MEIKIN: variants seen among roughly 807,000 people sequenced by gnomAD.
MEIKIN encodes meiosis-specific kinetochore protein.
chr5:131,887,046 T>C (rs373557246), intron 8 of MEIKIN, among the ~76,000 whole-genome samples: 35 of 149,718 alleles, frequency 2.3e-4, no homozygotes, highest in African/African-American at 8.6e-4. Context: ...GTGTTCTCAT[T>C]GTTCAATTCC....
intron 6 of MEIKIN, among the ~76,000 whole-genome samples, chr5:131,920,345 A>G (rs1254174305): frequency 6.6e-6 from 1 of 152,210 alleles, no homozygotes; most frequent in Non-Finnish European, 1.5e-5. Context: ...GAAAGAACAG[A>G]ATAAAAAATC....
intron 8 of MEIKIN, among the ~76,000 whole-genome samples, chr5:131,909,266 C>A (rs751038278): frequency 6.6e-6 from 1 of 151,898 alleles, no homozygotes; most frequent in Non-Finnish European, 1.5e-5. Context: ...TAAATCTATA[C>A]ATCTACACCG....
intron 12 of MEIKIN, among the ~76,000 whole-genome samples, chr5:131,816,254 T>G (rs1177245540): frequency 2.0e-5 from 3 of 152,266 alleles, no homozygotes; most frequent in Non-Finnish European, 2.9e-5. Context: ...TGGTTAGTTG[T>G]GTGTGACAAC....
intron 8 of MEIKIN, among the ~76,000 whole-genome samples, chr5:131,888,718 G>A (rs1054130063): frequency 2.0e-5 from 3 of 152,188 alleles, no homozygotes; most frequent in African/African-American, 7.2e-5. Flanking sequence ...AGTTTAATTA[G>A]ATCCCATTTC....
intron 12 of MEIKIN, among the ~76,000 whole-genome samples, chr5:131,817,107 C>T (rs1414437593): frequency 6.6e-6 from 1 of 152,108 alleles, no homozygotes; most frequent in South Asian, 2.1e-4. Context: ...TCTTCTGGAG[C>T]GAGGACATCC....
At chr5:131,871,774 C>G (rs1750505692) in intron 9 of MEIKIN, among the ~76,000 whole-genome samples, 1 of 152,116 alleles carries the variant, frequency 6.6e-6, no homozygotes, top group Non-Finnish European at 1.5e-5. Flanking sequence ...ACACCTCACA[C>G]AGCCGGGTAC....
intron 11 of MEIKIN, among the ~76,000 whole-genome samples, chr5:131,838,408 T>A (rs28875480): frequency 0.1 from 15,713 of 152,108 alleles, 1,900 homozygotes; most frequent in African/African-American, 0.3. Context: ...CAATTTTTTT[T>A]AATAGTTTAA....
At chr5:131,939,773 T>C (rs1470206905) in intron 4 of MEIKIN, among the ~76,000 whole-genome samples, 1 of 152,240 alleles carries the variant, frequency 6.6e-6, no homozygotes, top group African/African-American at 2.4e-5. Flanking sequence ...AAGCAGTTTG[T>C]AAGTTAGAGA....
At chr5:131,870,914 G>C (rs1364188653) in intron 9 of MEIKIN, among the ~76,000 whole-genome samples, 1 of 152,104 alleles carries the variant, frequency 6.6e-6, no homozygotes, top group Non-Finnish European at 1.5e-5. Flanking sequence ...GTAGTAGAAA[G>C]AGTATAGGCT....
chr5:131,850,906 C>T (rs1426320041), intron 11 of MEIKIN, among the ~76,000 whole-genome samples: 1 of 151,752 alleles, frequency 6.6e-6, no homozygotes, highest in Non-Finnish European at 1.5e-5. Flanking sequence ...CTTGACTGCA[C>T]CCTGGCACTC....
At chr5:131,843,697 C>G (rs752425274) in intron 11 of MEIKIN, among the ~76,000 whole-genome samples, 2 of 152,236 alleles carry the variant, frequency 1.3e-5, no homozygotes, top group Non-Finnish European at 2.9e-5. Context: ...CCATCTCTGT[C>G]CATATCACTA....
In MEIKIN at chr5:131,861,851, G is replaced by T. The variant is rs538250644; in HGVS notation, c.775-7017C>A. ...TTTGATGTGCTGTTGGATTTAGTTT[G>T]CCAGTATTTTGTTGAGGATTTTTGT... On this transcript the variant is annotated intron_variant, in intron 9 of 12. Transcript: ENST00000442687. Among the ~76,000 whole-genome samples the T allele has an allele frequency of 7.9e-5, 12 of 152,222 alleles. No individual in the cohort carries two copies. The East Asian group carries it at 2.3e-3, about 29-fold the overall frequency.
intron 11 of MEIKIN, among the ~76,000 whole-genome samples, chr5:131,833,776 C>A (rs1342620454): frequency 1.3e-5 from 2 of 152,164 alleles, no homozygotes; most frequent in South Asian, 2.1e-4. Flanking sequence ...CTGAGACATA[C>A]AATTCAAGTT....
At position 131,871,155 on chromosome 5, in the gene MEIKIN, G is replaced by A. The variant is rs118191121; in HGVS notation, c.774+7823C>T. On this transcript the variant is annotated intron_variant, in intron 9 of 12. Transcript: ENST00000442687. The stretch of plus-strand genomic sequence containing the variant: ...TGGGGTGTGCCAGATAGTGGGTGCC[G>A]GACAGTGGGTGCAGTGCACCGTGCG... Among the ~76,000 whole-genome samples the A allele has an allele frequency of 8.3e-3, 1,260 of 152,270 alleles. 100 individuals are homozygous for A. The East Asian group carries it at 0.19, about 23-fold the overall frequency.
At chr5:131,877,338 T>G (rs1750633104) in intron 9 of MEIKIN, among the ~76,000 whole-genome samples, 1 of 152,018 alleles carries the variant, frequency 6.6e-6, no homozygotes, top group African/African-American at 2.4e-5. Context: ...AAAGTCCAAA[T>G]TTTTCCCTAA....
intron 9 of MEIKIN, among the ~76,000 whole-genome samples, chr5:131,870,664 AC>A (rs758958334): frequency 5.9e-5 from 9 of 152,076 alleles, no homozygotes; most frequent in African/African-American, 1.9e-4. Context: ...CAAAACGGAA[AC>A]CCAGAAGTCT....
rs953512971 is a variant in MEIKIN at position 131,814,515 on chromosome 5, G to A, written c.1099+4225C>T. ...TGGTCTCAAACTCTTGGGCTCAAGC[G>A]ATCCACTCGCCTCAACCTCCCAAAG... is the stretch of plus-strand genomic sequence containing the variant. On this transcript the variant is annotated intron_variant, in intron 12 of 12. Transcript: ENST00000442687. Among the ~76,000 whole-genome samples the A allele has an allele frequency of 7.2e-5, 11 of 151,904 alleles. No homozygotes were observed. The South Asian group carries it at 1.5e-3, about 20-fold the overall frequency.
At chr5:131,807,410 T>A (rs1425955222) in intron 12 of MEIKIN, among the ~76,000 whole-genome samples, 152 bp from the exon 13 acceptor site, 2 of 146,726 alleles carry the variant, frequency 1.4e-5, no homozygotes, top group African/African-American at 2.5e-5. Flanking sequence ...AGAGGCCATT[T>A]AAAAAAAAAA....
At chr5:131,928,715 A>G (rs1318342819) in intron 5 of MEIKIN, among the ~76,000 whole-genome samples, 2 of 152,198 alleles carry the variant, frequency 1.3e-5, no homozygotes, top group African/African-American at 4.8e-5. Context: ...TTACTATTAC[A>G]TTACTATTGT....
Sources: allele counts gnomAD v4.1 joint callset (sites outside exome capture counted in the v4.1 genomes callset), GRCh38; gene constraint gnomAD v4.1.1; transcripts MANE v1.5; gene names NCBI Gene and HGNC (gene_info 2026-07-23, HGNC 2026-07-21).